Variants in ADCY3 observed in about 807,000 individuals in gnomAD.
ADCY3 encodes adenylate cyclase type 3.
A neutral mutation model predicts 119.4 loss-of-function variants in ADCY3; 70 were observed. That is an observed-to-expected ratio of 0.59 (90% CI 0.48 to 0.72). The LOEUF is 0.72. Ranked by LOEUF, ADCY3 falls within the 30% of genes least tolerant of loss-of-function variation. The pLI is 0.00. For synonymous variants in ADCY3, 672 were observed against 621.4 expected (o/e 1.08, Z -1.21); for missense variants, 1,238 against 1,541.6 (o/e 0.80, Z 3.30).
At chr2:24,828,316 A>C (rs972607944) in intron 13 of ADCY3, among the ~76,000 whole-genome samples, 155 bp from the exon 14 acceptor site, 1 of 152,220 alleles carries the variant, frequency 6.6e-6, no homozygotes, top group Non-Finnish European at 1.5e-5. Context: ...GGGACTAATC[A>C]TATGAAAGTT....
chr2:24,856,523 G>A lies in ADCY3; in HGVS notation c.826-14139C>T, dbSNP rs1450316487. Among the ~76,000 whole-genome samples, 3 of 152,232 alleles carry A rather than the reference G, an allele frequency of 2.0e-5. No homozygotes were observed. The South Asian group carries it at 6.2e-4, about 31-fold the overall frequency. ...CCATCATGGCCTGACTACCTAAGCAGAGGGGGCTGTGGGAGGCAGGGAATG... is the reference window on the plus strand; with the variant it reads ...CCATCATGGCCTGACTACCTAAGCAAAGGGGGCTGTGGGAGGCAGGGAATG... On this transcript the variant is annotated intron_variant, in intron 3 of 21. Coordinates refer to ENST00000679454, the MANE Select transcript of ADCY3 (RefSeq NM_004036.5).
At chr2:24,903,407 C>T (rs1477727614) in intron 2 of ADCY3, among the ~76,000 whole-genome samples, 1 of 152,070 alleles carries the variant, frequency 6.6e-6, no homozygotes, top group Non-Finnish European at 1.5e-5. Context: ...TCAGAGAAGA[C>T]GACTTCTGAC....
chr2:24,845,746 C>T (rs545937152), intron 3 of ADCY3, among the ~76,000 whole-genome samples: 1 of 152,370 alleles, frequency 6.6e-6, no homozygotes, highest in African/African-American at 2.4e-5. Flanking sequence ...GGGAAAATGT[C>T]TCCAGGGCAT....
At chr2:24,884,898 G>A (rs890424584) in intron 2 of ADCY3, among the ~76,000 whole-genome samples, 4 of 152,066 alleles carry the variant, frequency 2.6e-5, no homozygotes, top group Non-Finnish European at 4.4e-5. Flanking sequence ...CACCCACGGC[G>A]GTGCTTTCCA....
intron 3 of ADCY3, among the ~76,000 whole-genome samples, chr2:24,851,365 G>A (rs903642706): frequency 1.3e-5 from 2 of 152,184 alleles, no homozygotes; most frequent in Non-Finnish European, 1.5e-5. Context: ...GCACCCACCA[G>A]GTGACAGACA....
At chr2:24,857,669 C>T (rs1673171828) in intron 3 of ADCY3, among the ~76,000 whole-genome samples, 1 of 152,208 alleles carries the variant, frequency 6.6e-6, no homozygotes, top group Non-Finnish European at 1.5e-5. Flanking sequence ...GCAGCTGCCT[C>T]GAGCCCTGTG....
At chr2:24,897,495 C>T (rs1558512042) in intron 2 of ADCY3, among the ~76,000 whole-genome samples, 1 of 152,180 alleles carries the variant, frequency 6.6e-6, no homozygotes, top group South Asian at 2.1e-4. Flanking sequence ...GCACCTCAGT[C>T]TCTCTCTGAA....
chr2:24,829,781 A>C (rs550915665), intron 13 of ADCY3, among the ~76,000 whole-genome samples: 68 of 151,370 alleles, frequency 4.5e-4, no homozygotes, highest in African/African-American at 1.7e-3. Flanking sequence ...AAAGGAAGAT[A>C]GTGTATATGG....
At chr2:24,890,573 T>C (rs544466535) in intron 2 of ADCY3, among the ~76,000 whole-genome samples, 49 of 152,332 alleles carry the variant, frequency 3.2e-4, no homozygotes, top group African/African-American at 1.1e-3. Flanking sequence ...AGTCGTTCAA[T>C]GTATTGGCAC....
chr2:24,905,341 A>G (rs917651673), intron 2 of ADCY3, among the ~76,000 whole-genome samples: 3 of 151,962 alleles, frequency 2.0e-5, no homozygotes, highest in Non-Finnish European at 4.4e-5. Context: ...TCACCATGTT[A>G]GCCAGTATGG....
chr2:24,844,171 G>C lies in ADCY3; in HGVS notation c.826-1787C>G, dbSNP rs546516464. 6.6e-4 allele frequency among the ~76,000 whole-genome samples: 100 copies of C among 152,282 alleles called. 2 individuals are homozygous for C. Among genetic ancestry groups the C allele is most frequent in the African/African-American group, 2.4e-3 (98 of 41,558 alleles). Reference sequence around the variant, plus strand: ...AGATGTGGCTGGAGGACAGGTGCCCGCTGACCTTCAGGGTGGAGTGCTTCC... The same window carrying C: ...AGATGTGGCTGGAGGACAGGTGCCCCCTGACCTTCAGGGTGGAGTGCTTCC... On this transcript the variant is annotated intron_variant, in intron 3 of 21. Transcript: ENST00000679454.
chr2:24,917,626 C>T (rs964522638), intron 2 of ADCY3, among the ~76,000 whole-genome samples: 3 of 152,170 alleles, frequency 2.0e-5, no homozygotes, highest in South Asian at 2.1e-4. Flanking sequence ...CAGCAGAATG[C>T]GTGCTTTAGG....
intron 2 of ADCY3, among the ~76,000 whole-genome samples, chr2:24,884,297 T>C (rs1032776823): frequency 2.0e-5 from 3 of 152,122 alleles, no homozygotes; most frequent in Admixed American, 1.3e-4. Flanking sequence ...TCCAGGTGAT[T>C]CTCTTCTACA....
In ADCY3 at chr2:24,822,524, G is replaced by A. The variant is rs1406350717; in HGVS notation, c.2990C>T (p.Ala997Val). Residue 997 changes from alanine (A) to valine (V), a missense_variant, in exon 19 of 22, where the codon GCC becomes GTC. By Grantham distance (64) the Ala-to-Val change is moderately conservative (BLOSUM62 0). This residue lies in a region of ADCY3 where 63 missense variants were observed against 62.8 expected (regional missense o/e 1.00). Transcript: ENST00000679454. ...GGGGTTAGCTACCTTGTTGGAGCTGGCAAAGCCATTGGTGTTGACATCGGG... is the reference window on the plus strand; with the variant it reads ...GGGGTTAGCTACCTTGTTGGAGCTGACAAAGCCATTGGTGTTGACATCGGG... ...VTPDVNTNGF[A>V]SSNKEDKSER... The A allele has an allele frequency of 1.2e-6, 2 of 1,613,778 alleles. No homozygotes were observed.
At chr2:24,874,578 C>T (rs1675420633) in intron 2 of ADCY3, among the ~76,000 whole-genome samples, 1 of 152,254 alleles carries the variant, frequency 6.6e-6, no homozygotes, top group Non-Finnish European at 1.5e-5. Context: ...TTCCCTCCAG[C>T]CTCCTTCCCG....
chr2:24,838,031 G>A (rs1220550792), intron 8 of ADCY3, among the ~76,000 whole-genome samples: 1 of 150,624 alleles, frequency 6.6e-6, no homozygotes, highest in Non-Finnish European at 1.5e-5. Context: ...TCCTGGCCTT[G>A]GTCCTCCTCC....
intron 2 of ADCY3, among the ~76,000 whole-genome samples, chr2:24,914,151 G>A (rs1469674607): frequency 6.6e-6 from 1 of 152,228 alleles, no homozygotes; most frequent in Non-Finnish European, 1.5e-5. Flanking sequence ...GGAGCGAAAT[G>A]GGCAAACACT....
intron 3 of ADCY3, among the ~76,000 whole-genome samples, chr2:24,847,169 T>C (rs1015110419): frequency 2.6e-5 from 4 of 152,140 alleles, no homozygotes; most frequent in African/African-American, 7.2e-5. Flanking sequence ...GGGCCAGACT[T>C]TCATGTGCTA....
chr2:24,886,827 G>C (rs1677082465), intron 2 of ADCY3, among the ~76,000 whole-genome samples: 1 of 152,204 alleles, frequency 6.6e-6, no homozygotes, highest in Non-Finnish European at 1.5e-5. Context: ...AGGCTGCCAT[G>C]TGCCCTGAGT....
Sources: allele counts gnomAD v4.1 joint callset (sites outside exome capture counted in the v4.1 genomes callset), GRCh38; gene constraint gnomAD v4.1.1; regional missense constraint gnomAD v4.1.1; transcripts MANE v1.5; gene names NCBI Gene and HGNC (gene_info 2026-07-23, HGNC 2026-07-21).